LAMA4: variants seen among roughly 807,000 people sequenced by gnomAD.
The protein encoded by LAMA4 is laminin subunit alpha 4.
LAMA4 carries 127 observed loss-of-function variants against 207.1 expected under a neutral mutation model. That is an observed-to-expected ratio of 0.61 (90% CI 0.53 to 0.71). The LOEUF (loss-of-function observed/expected upper bound fraction) is 0.71. Among genes scored for constraint, LAMA4 ranks in the 30% least tolerant of loss-of-function variants. The pLI, the probability that LAMA4 is intolerant of heterozygous loss-of-function variation, is 0.00. For synonymous variants in LAMA4, 761 were observed against 816.0 expected, an observed-to-expected ratio of 0.93 and a Z score of 1.15; for missense variants, 2,093 against 2,246.5, an observed-to-expected ratio of 0.93 and a Z score of 1.38.
chr6:112,220,318 T>C (rs999376713), intron 2 of LAMA4, among the ~76,000 whole-genome samples: 7 of 152,162 alleles, frequency 4.6e-5, no homozygotes, highest in African/African-American at 1.7e-4. Context: ...ACCATTTACT[T>C]CTGCCTTTGA....
In LAMA4 at chr6:112,168,345, CT is replaced by C. The variant is rs34395210; in HGVS notation, c.1552-3070del. On this transcript the variant is annotated intron_variant, in intron 12 of 38. Coordinates refer to ENST00000230538, the MANE Select transcript of LAMA4 (RefSeq NM_001105206.3). ...AGGACTCCTTCTGGCAGCTAGTGTT[CT>C]TTTTTTTTTTTTTTTTGAGGTGGAG... Among the ~76,000 whole-genome samples, 870 of 129,282 alleles carry C rather than the reference CT, an allele frequency of 6.7e-3. 4 individuals are homozygous for C. Among genetic ancestry groups the C allele is most frequent in the East Asian group, 0.022 (97 of 4,430 alleles). The allele number at this position is 129,282 out of a possible 152,430, so 84.8% of individuals were successfully genotyped here.
rs1235925473 is a variant in LAMA4, at chr6:112,117,293, GAAT to G, written c.4981+443_4981+445del. 3.9e-5 allele frequency among the ~76,000 whole-genome samples: 6 copies of G among 152,280 alleles called. No individual in the cohort carries two copies. In the East Asian group the frequency reaches 1.2e-3, roughly 29 times the overall value. On this transcript the variant is annotated intron_variant, in intron 35 of 38. Transcript: ENST00000230538. The surrounding 1 kb of genome is among the most constrained non-coding windows in gnomAD (Gnocchi z 4.5). ...TGAGTGAGGGAGTAATGGTCAAGGA[GAAT>G]AATAAAAAGCCAGAAATAAAAATTT...
At chr6:112,155,457 A>T in intron 15 of LAMA4, 108 bp downstream of exon 15, 1 of 1,277,480 alleles carries the variant, frequency 7.8e-7, no homozygotes, top group Non-Finnish European at 1.1e-6. Flanking sequence ...TGCCTTTTCC[A>T]CTCTTTCTGC....
At chr6:112,226,363 C>T (rs1397289203) in intron 2 of LAMA4, among the ~76,000 whole-genome samples, 1 of 152,164 alleles carries the variant, frequency 6.6e-6, no homozygotes, top group Non-Finnish European at 1.5e-5. Context: ...AATGCAATCA[C>T]ATACCCCACA....
At chr6:112,130,126 T>A (rs113944280) in intron 29 of LAMA4, 86 bp from the exon 30 acceptor site, 17 of 1,078,812 alleles carry the variant, frequency 1.6e-5, no homozygotes, top group Non-Finnish European at 2.1e-5. Flanking sequence ...GGTTTTCTCA[T>A]GAAATTGAAA....
chr6:112,148,151 TG>T lies in LAMA4; in HGVS notation c.2353+5del. On this transcript the variant is annotated splice_donor_5th_base_variant and intron_variant, in intron 18 of 38. Coordinates refer to ENST00000230538, the MANE Select transcript of LAMA4 (RefSeq NM_001105206.3). ...AGATTCAAATTGTGAAATTTCTAAG[TG>T]ATACCTGCATCCCTAGCAGAGTTCA... 1.2e-6 allele frequency: 2 copies of T among 1,612,646 alleles called. No individual in the cohort carries two copies. The highest frequency in any genetic ancestry group is 3.3e-5 in the Admixed American group (2 of 60,028).
At position 112,134,748 on chromosome 6, in the gene LAMA4, T is replaced by C. The variant is rs1779233757; in HGVS notation, c.3415-139A>G. ...GCTTGTTTGTTCACAAAATGGGGAA[T>C]AGATAGATTTTCTTTTCTCACAGAC... is the stretch of plus-strand genomic sequence containing the variant. On this transcript the variant is annotated intron_variant, in intron 25 of 38. Coordinates refer to ENST00000230538, the MANE Select transcript of LAMA4 (RefSeq NM_001105206.3). The C allele has an allele frequency of 4.3e-6, 3 of 690,192 alleles. No individual in the cohort carries two copies. In the South Asian group the frequency reaches 5.5e-5, roughly 13 times the overall value. 42.8% of individuals were successfully genotyped at this position (690,192 alleles called of 1,614,324 possible).
At chr6:112,133,251 G>T in intron 27 of LAMA4, 98 bp downstream of exon 27, 1 of 1,286,418 alleles carries the variant, frequency 7.8e-7, no homozygotes, top group Non-Finnish European at 1.1e-6. Context: ...AACCCAAGGT[G>T]TACCTAGGAT....
intron 22 of LAMA4, 78 bp downstream of exon 22, chr6:112,140,682 A>G (rs1264393683): frequency 1.5e-6 from 2 of 1,373,122 alleles, no homozygotes; most frequent in Non-Finnish European, 2.0e-6. Flanking sequence ...GCAACCCCCA[A>G]GTCATTATAG....
rs1353964213 is a variant in LAMA4, at chr6:112,146,506, TC to T, written c.2354-1574del. Among the ~76,000 whole-genome samples the T allele has an allele frequency of 2.0e-5, 3 of 152,296 alleles. No individual in the cohort carries two copies. The East Asian group carries it at 5.8e-4, about 29-fold the overall frequency. Reference sequence around the variant, plus strand: ...TGAATCAGCAGTTCCTGGAGTGGGATCCAGCAGTCTGTTTAACAAGGCCTCC... The same window carrying T: ...TGAATCAGCAGTTCCTGGAGTGGGATCAGCAGTCTGTTTAACAAGGCCTCC... On this transcript the variant is annotated intron_variant, in intron 18 of 38. Transcript: ENST00000230538.
chr6:112,130,697 TTAG>T (rs1404814938), intron 29 of LAMA4, among the ~76,000 whole-genome samples: 2 of 152,090 alleles, frequency 1.3e-5, no homozygotes, highest in Non-Finnish European at 2.9e-5. Context: ...GTAGGTAATA[TTAG>T]TAGGCATTTC....
chr6:112,114,329 A>T lies in LAMA4; in HGVS notation c.5207-134T>A, dbSNP rs112726836. ...CCCACACTTTCTTCTATATTATTAA[A>T]ATCATCAATGATGTCTAACAATGTC... is the stretch of plus-strand genomic sequence containing the variant. On this transcript the variant is annotated intron_variant, in intron 37 of 38. Coordinates refer to ENST00000230538, the MANE Select transcript of LAMA4 (RefSeq NM_001105206.3). 5.2e-4 allele frequency: 459 copies of T among 884,486 alleles called. No individual in the cohort carries two copies. The African/African-American group carries it at 6.4e-3, about 12-fold the overall frequency. 54.8% of individuals were successfully genotyped at this position (884,486 alleles called of 1,614,324 possible).
At chr6:112,147,386 GA>G (rs1780092982) in intron 18 of LAMA4, among the ~76,000 whole-genome samples, 1 of 152,162 alleles carries the variant, frequency 6.6e-6, no homozygotes, top group Admixed American at 6.5e-5. Flanking sequence ...TGTACTGACA[GA>G]TCATATATGG....
At chr6:112,170,931 A>G (rs1167508084) in intron 12 of LAMA4, among the ~76,000 whole-genome samples, 5 of 152,182 alleles carry the variant, frequency 3.3e-5, no homozygotes, top group Non-Finnish European at 7.3e-5. Context: ...GGCAGGTGAG[A>G]TTACTGGTTG....
Position 112,185,241 on chromosome 6 carries a change from T to C in LAMA4, c.1073A>G (p.Glu358Gly). Reference protein sequence around the residue: ...SLLSDVEELVEKENQASRKGQ... With the variant: ...SLLSDVEELVGKENQASRKGQ... ...ACTGAATACATACATACGTACCTTT[T>C]CAACTAATTCCTCTACGTCAGACAG... Residue 358 changes from glutamate to glycine, a missense_variant, in exon 9 of 39, where the codon GAA becomes GGA. Coordinates refer to ENST00000230538, the MANE Select transcript of LAMA4 (RefSeq NM_001105206.3). 1.3e-6 allele frequency: 2 copies of C among 1,591,746 alleles called. No individual in the cohort carries two copies. The highest frequency in any genetic ancestry group is 1.7e-6 in the Non-Finnish European group (2 of 1,159,684).
At chr6:112,203,794 T>C (rs1357453775) in intron 4 of LAMA4, among the ~76,000 whole-genome samples, 1 of 151,690 alleles carries the variant, frequency 6.6e-6, no homozygotes, top group Non-Finnish European at 1.5e-5. Context: ...TTTTACTTCA[T>C]TTTCGTTTTC....
At chr6:112,250,253 A>G (rs2114457236) in intron 2 of LAMA4, among the ~76,000 whole-genome samples, 1 of 152,366 alleles carries the variant, frequency 6.6e-6, no homozygotes, top group Middle Eastern at 3.4e-3. Flanking sequence ...GATAAGAAAA[A>G]AGAAAGCAGA....
At chr6:112,192,563 G>T (rs1201101586) in intron 5 of LAMA4, among the ~76,000 whole-genome samples, 3 of 152,188 alleles carry the variant, frequency 2.0e-5, no homozygotes, top group Non-Finnish European at 2.9e-5. Context: ...TTAGATATGC[G>T]CACCTACAGA....
At chr6:112,156,517 T>C (rs1554336990) in intron 14 of LAMA4, among the ~76,000 whole-genome samples, 2 of 152,226 alleles carry the variant, frequency 1.3e-5, no homozygotes, top group Non-Finnish European at 2.9e-5. Context: ...TGACAAATAC[T>C]TCTACTGCCT....
Sources: gnomAD v4.1 joint callset for allele counts (sites outside exome capture counted in the v4.1 genomes callset) on GRCh38, gnomAD v4.1.1 for gene constraint, Gnocchi (gnomAD v3.1) non-coding constraint, MANE v1.5 for transcripts, NCBI Gene and HGNC (gene_info 2026-07-23, HGNC 2026-07-21) for gene names.